The following ASIC2 variants were observed in gnomAD, a reference collection of about 807,000 sequenced individuals.
The protein encoded by ASIC2 is acid-sensing ion channel 2.
A neutral mutation model predicts 57.3 loss-of-function variants in ASIC2; 25 were observed. The ratio of observed to expected loss-of-function variants is 0.44; its 90% CI spans 0.32 to 0.61. The LOEUF (loss-of-function observed/expected upper bound fraction) is 0.61, where lower values mean the gene tolerates loss of function less well. ASIC2 is among the 20% of genes least tolerant of loss of function. The pLI is 0.06. For missense variants in ASIC2, 641 were observed against 738.1 expected (o/e 0.87, Z 1.52); for synonymous variants, 319 against 307.5 (o/e 1.04, Z -0.39).
At chr17:33,926,455 T>C (rs1290751325) in intron 1 of ASIC2, among the ~76,000 whole-genome samples, 7 of 152,220 alleles carry the variant, frequency 4.6e-5, no homozygotes, top group Admixed American at 1.3e-4. Context: ...TAATATACCT[T>C]ATACACATAG....
At chr17:33,359,022 C>G (rs9901182) in intron 1 of ASIC2, among the ~76,000 whole-genome samples, 3,954 of 152,164 alleles carry the variant, frequency 0.026, 150 homozygotes, top group African/African-American at 0.082. Context: ...AGCCTCTTTG[C>G]CCCCCCTTTC....
intron 1 of ASIC2, among the ~76,000 whole-genome samples, chr17:33,469,788 A>C (rs117093405): frequency 2.0e-3 from 307 of 152,296 alleles, no homozygotes; most frequent in Non-Finnish European, 3.3e-3. Flanking sequence ...CTTGAAGAGG[A>C]AATATGGTCA....
At chr17:34,121,763 T>G (rs1284634266) in intron 1 of ASIC2, among the ~76,000 whole-genome samples, 1 of 152,192 alleles carries the variant, frequency 6.6e-6, no homozygotes, top group South Asian at 2.1e-4. Flanking sequence ...CACCCTTTGC[T>G]CCCAGCCTAC....
At chr17:33,205,250 C>T (rs1282158199) in intron 1 of ASIC2, among the ~76,000 whole-genome samples, 2 of 152,204 alleles carry the variant, frequency 1.3e-5, no homozygotes, top group Non-Finnish European at 2.9e-5. Context: ...CCCTGTGTGC[C>T]CCTTGCATCA....
chr17:33,932,669 TACC>T (rs1390171637), intron 1 of ASIC2: 50 of 117,850 alleles, frequency 4.2e-4, no homozygotes, highest in Admixed American at 1.8e-3. Context: ...GCCAAGATCA[TACC>T]ATTGCACTCC....
At chr17:34,103,827 T>A (rs1910951576) in intron 1 of ASIC2, among the ~76,000 whole-genome samples, 1 of 152,240 alleles carries the variant, frequency 6.6e-6, no homozygotes, top group Admixed American at 6.5e-5. Flanking sequence ...TCTATCTTTA[T>A]GCCAATATCT....
intron 2 of ASIC2, among the ~76,000 whole-genome samples, chr17:33,097,084 C>T (rs2092183924): frequency 6.6e-6 from 1 of 152,250 alleles, no homozygotes; most frequent in South Asian, 2.1e-4. Context: ...GTCTGCTGGG[C>T]TCTGAGGCCT....
At chr17:33,377,025 T>A (rs1054678305) in intron 1 of ASIC2, among the ~76,000 whole-genome samples, 1 of 151,526 alleles carries the variant, frequency 6.6e-6, no homozygotes, top group African/African-American at 2.4e-5. Flanking sequence ...GGTTTCAAAT[T>A]CAGATCTGCT....
intron 1 of ASIC2, among the ~76,000 whole-genome samples, chr17:33,307,244 T>C (rs1337286569): frequency 1.3e-5 from 2 of 151,688 alleles, no homozygotes; most frequent in East Asian, 3.9e-4. Context: ...CTTCTTCTTC[T>C]TCCTCCTCCT....
chr17:33,140,970 A>G (rs2092385478), intron 1 of ASIC2, among the ~76,000 whole-genome samples: 1 of 152,248 alleles, frequency 6.6e-6, no homozygotes, highest in African/African-American at 2.4e-5. Context: ...TGGATGGGGC[A>G]GCTAAGCCTG....
chr17:33,841,984 A>G (rs1408105804), intron 1 of ASIC2, among the ~76,000 whole-genome samples: 3 of 152,070 alleles, frequency 2.0e-5, no homozygotes, highest in Non-Finnish European at 4.4e-5. Context: ...CACCTTATGT[A>G]CGGTCCAGTG....
chr17:33,819,520 G>C (rs1912686110), intron 1 of ASIC2, among the ~76,000 whole-genome samples: 1 of 152,236 alleles, frequency 6.6e-6, no homozygotes, highest in Non-Finnish European at 1.5e-5. Context: ...ATGTGGTCAA[G>C]GCCTGGGATG....
chr17:33,641,402 A>G (rs1484907191), intron 1 of ASIC2, among the ~76,000 whole-genome samples: 1 of 152,028 alleles, frequency 6.6e-6, no homozygotes, highest in Non-Finnish European at 1.5e-5. Context: ...ACATGTACAC[A>G]CCCCTGAGTA....
At chr17:34,072,613 TAA>T (rs567926697) in intron 1 of ASIC2, among the ~76,000 whole-genome samples, 160 of 152,308 alleles carry the variant, frequency 1.1e-3, no homozygotes, top group South Asian at 2.9e-3. Flanking sequence ...TAGAGATGAA[TAA>T]AAGTTGTGTA....
chr17:34,087,609 C>T (rs920486646), intron 1 of ASIC2, among the ~76,000 whole-genome samples: 1 of 152,180 alleles, frequency 6.6e-6, no homozygotes, highest in Non-Finnish European at 1.5e-5. Flanking sequence ...TGGGGAAGTT[C>T]TCCTGGATAA....
intron 1 of ASIC2, among the ~76,000 whole-genome samples, chr17:33,452,666 A>G (rs561883579): frequency 1.3e-4 from 20 of 151,708 alleles, no homozygotes; most frequent in Non-Finnish European, 2.4e-4. Flanking sequence ...TTCTGTGCCA[A>G]TGATGGTGGA....
At chr17:33,507,056 C>T (rs950109333) in intron 1 of ASIC2, among the ~76,000 whole-genome samples, 2 of 152,118 alleles carry the variant, frequency 1.3e-5, no homozygotes, top group African/African-American at 4.8e-5. Flanking sequence ...GTCAAGGGGC[C>T]GGGAACACTT....
intron 1 of ASIC2, among the ~76,000 whole-genome samples, chr17:33,746,506 A>ATG (rs1436437537): frequency 6.6e-6 from 1 of 151,216 alleles, no homozygotes; most frequent in Non-Finnish European, 1.5e-5. Context: ...ATATACATAT[A>ATG]TGTGTGTGTA....
At chr17:33,531,517 T>C (rs1915051524) in intron 1 of ASIC2, among the ~76,000 whole-genome samples, 1 of 152,108 alleles carries the variant, frequency 6.6e-6, no homozygotes, top group Non-Finnish European at 1.5e-5. Context: ...GCTGCCCAGG[T>C]CTCTTAGAAT....
Sources: gnomAD v4.1 joint callset for allele counts (sites outside exome capture counted in the v4.1 genomes callset) on GRCh38, gnomAD v4.1.1 for gene constraint, MANE v1.5 for transcripts, NCBI Gene and HGNC (gene_info 2026-07-23, HGNC 2026-07-21) for gene names.